Variants in ZFHX3 observed in about 807,000 individuals in gnomAD.
ZFHX3 encodes the protein zinc finger homeobox 3.
A neutral mutation model predicts 279.1 loss-of-function variants in ZFHX3; 42 were observed. The observed-to-expected ratio is 0.15, with a 90% CI of 0.12 to 0.19. The LOEUF is 0.19. Ranked by LOEUF, ZFHX3 falls within the 10% of genes least tolerant of loss-of-function variation. The probability of loss-of-function intolerance (pLI) is 1.00; values close to 1 mark genes in which losing one functional copy is unlikely to be tolerated. For missense variants in ZFHX3, 4,981 were observed against 4,754.0 expected (o/e 1.05, Z -1.40); for synonymous variants, 2,293 against 1,957.8 (o/e 1.17, Z -4.52).
At chr16:73,381,706 G>C (rs1010617594) in intron 3 of ZFHX3, among the ~76,000 whole-genome samples, 1 of 152,152 alleles carries the variant, frequency 6.6e-6, no homozygotes, top group African/African-American at 2.4e-5. Context: ...ATTGCAAGAA[G>C]AAGAATTGTC....
chr16:73,868,785 T>C (rs1962095996), intron 1 of ZFHX3, among the ~76,000 whole-genome samples: 1 of 152,108 alleles, frequency 6.6e-6, no homozygotes, highest in Non-Finnish European at 1.5e-5. Context: ...CTTTCTTTCT[T>C]TTTTTAATGA....
At chr16:73,544,970 A>T (rs2020084845) in intron 2 of ZFHX3, among the ~76,000 whole-genome samples, 1 of 152,184 alleles carries the variant, frequency 6.6e-6, no homozygotes, top group Non-Finnish European at 1.5e-5. Context: ...TATCCATTCC[A>T]AAACAAGTGG....
At position 72,794,360 on chromosome 16, in the gene ZFHX3, G is replaced by A; in HGVS notation, c.8322C>T (p.Pro2774=). The A allele has an allele frequency of 1.2e-6, 2 of 1,602,736 alleles. No homozygotes were observed. Among genetic ancestry groups the A allele is most frequent in the Non-Finnish European group, 1.7e-6 (2 of 1,174,098 alleles). Residue 2774 remains proline (P), a synonymous_variant, in exon 9 of 10, where the codon CCC becomes CCT. Coordinates refer to ENST00000268489, the MANE Select transcript of ZFHX3 (RefSeq NM_006885.4). This position sits in a 1 kb window ranked among gnomAD's most constrained non-coding sequence, Gnocchi z 4.2. ...IFDGTSFSHL[P]PSSSDGQGVP... Reference sequence around the variant, plus strand: ...CACCCTGACCATCACTACTGCTTGGGGGTAGGTGGGAAAAGCTAGTTCCGT... The same window carrying A: ...CACCCTGACCATCACTACTGCTTGGAGGTAGGTGGGAAAAGCTAGTTCCGT...
At chr16:73,821,824 C>T (rs753808) in intron 1 of ZFHX3, among the ~76,000 whole-genome samples, 9,848 of 152,268 alleles carry the variant, frequency 0.065, 540 homozygotes, top group South Asian at 0.27. Context: ...GTCAAAGATG[C>T]TGTAGTGTGA....
intron 2 of ZFHX3, among the ~76,000 whole-genome samples, chr16:73,539,924 C>T (rs1341271325): frequency 6.6e-6 from 1 of 152,210 alleles, no homozygotes; most frequent in Non-Finnish European, 1.5e-5. Flanking sequence ...AACTGTTTTT[C>T]TCCCCACACT....
At chr16:73,285,530 C>G (rs1341469682) in intron 4 of ZFHX3, among the ~76,000 whole-genome samples, 1 of 152,220 alleles carries the variant, frequency 6.6e-6, no homozygotes, top group African/African-American at 2.4e-5. Flanking sequence ...GACGGGGGAT[C>G]TGACCAAACT....
chr16:73,859,686 G>A (rs1961830957), intron 1 of ZFHX3, among the ~76,000 whole-genome samples: 1 of 152,098 alleles, frequency 6.6e-6, no homozygotes, highest in Non-Finnish European at 1.5e-5. Flanking sequence ...ACCACCACTA[G>A]TAAAAGCCAA....
In ZFHX3 at chr16:72,879,368, A is replaced by C. The variant is rs149790754; in HGVS notation, c.3448+10363T>G. On this transcript the variant is annotated intron_variant, in intron 4 of 9. Transcript: ENST00000268489. ...AACCAGAGCACAAACACCACACACA[A>C]GCCCAGGGAGATCTGCTTAGTCCCT... is the stretch of plus-strand genomic sequence containing the variant. Among the ~76,000 whole-genome samples the C allele has an allele frequency of 5.3e-5, 8 of 152,232 alleles. No homozygotes were observed. In the Middle Eastern group the frequency reaches 0.01, roughly 194 times the overall value.
At chr16:72,914,432 T>C (rs2039391451) in intron 3 of ZFHX3, among the ~76,000 whole-genome samples, 1 of 152,002 alleles carries the variant, frequency 6.6e-6, no homozygotes, top group South Asian at 2.1e-4. Flanking sequence ...CTTGGAACTG[T>C]CTCCAAAAAC....
At chr16:73,703,914 G>A (rs566244512) in intron 1 of ZFHX3, among the ~76,000 whole-genome samples, 9 of 152,260 alleles carry the variant, frequency 5.9e-5, no homozygotes, top group African/African-American at 1.9e-4. Flanking sequence ...GCATTAGGGG[G>A]CCCTGTCAAC....
At chr16:73,744,975 G>A (rs1261634329) in intron 1 of ZFHX3, among the ~76,000 whole-genome samples, 1 of 152,076 alleles carries the variant, frequency 6.6e-6, no homozygotes, top group East Asian at 1.9e-4. Flanking sequence ...CAGTGGACTT[G>A]GTAGAATAAG....
At chr16:73,177,023 A>T (rs1967681149) in intron 5 of ZFHX3, among the ~76,000 whole-genome samples, 1 of 152,184 alleles carries the variant, frequency 6.6e-6, no homozygotes, top group South Asian at 2.1e-4. Flanking sequence ...TGTGACTTGA[A>T]GGTGACATTT....
intron 3 of ZFHX3, among the ~76,000 whole-genome samples, chr16:72,948,645 C>T (rs1052199225): frequency 6.6e-6 from 1 of 152,154 alleles, no homozygotes; most frequent in African/African-American, 2.4e-5. Flanking sequence ...TAATCGCCAC[C>T]GTGTGCATTT....
intron 3 of ZFHX3, among the ~76,000 whole-genome samples, chr16:73,365,495 T>A (rs2143324429): frequency 6.6e-6 from 1 of 152,314 alleles, no homozygotes; most frequent in South Asian, 2.1e-4. Flanking sequence ...AAATAATATC[T>A]CATTAATCCC....
At chr16:73,532,406 G>A (rs377337061) in intron 2 of ZFHX3, among the ~76,000 whole-genome samples, 1 of 152,162 alleles carries the variant, frequency 6.6e-6, no homozygotes, top group African/African-American at 2.4e-5. Context: ...GGCCTCCCCA[G>A]CTATGTGGAA....
At chr16:73,001,201 G>C (rs904219689) in intron 1 of ZFHX3, among the ~76,000 whole-genome samples, 6 of 152,222 alleles carry the variant, frequency 3.9e-5, no homozygotes, top group Non-Finnish European at 7.3e-5. Flanking sequence ...CCCATTGTGA[G>C]CTGCTCTGTG....
intron 1 of ZFHX3, among the ~76,000 whole-genome samples, chr16:73,026,409 C>T (rs1280641773): frequency 6.6e-6 from 1 of 152,028 alleles, no homozygotes; most frequent in African/African-American, 2.4e-5. Context: ...TAGTGGCTCA[C>T]GCCTGTAATC....
At chr16:73,891,360 C>T (rs931078866) in intron 1 of ZFHX3, among the ~76,000 whole-genome samples, 1 of 151,948 alleles carries the variant, frequency 6.6e-6, no homozygotes, top group African/African-American at 2.4e-5. Context: ...GTGTCAGCAA[C>T]GCGGCCCAGG....
chr16:73,570,386 T>G (rs1268518401), intron 2 of ZFHX3, among the ~76,000 whole-genome samples: 1 of 152,214 alleles, frequency 6.6e-6, no homozygotes. Context: ...AACATGTTTC[T>G]TAAGATGTCT....
Sources: allele counts gnomAD v4.1 joint callset (sites outside exome capture counted in the v4.1 genomes callset), GRCh38; gene constraint gnomAD v4.1.1; non-coding constraint Gnocchi (gnomAD v3.1); transcripts MANE v1.5; gene names NCBI Gene and HGNC (gene_info 2026-07-23, HGNC 2026-07-21).